The following PTPRQ variants were observed in gnomAD, a reference collection of about 807,000 sequenced individuals.
The protein encoded by PTPRQ is protein tyrosine phosphatase receptor type Q, also known as phosphatidylinositol phosphatase PTPRQ.
Under a neutral mutation model 246.0 loss-of-function variants are expected in PTPRQ, and 199 were observed. That is an observed-to-expected ratio of 0.81 (90% CI 0.72 to 0.91). The LOEUF (loss-of-function observed/expected upper bound fraction) is 0.91. Among genes scored for constraint, PTPRQ ranks in the 40% least tolerant of loss-of-function variants. PTPRQ has a pLI of 0.00. For missense variants in PTPRQ, 2,624 were observed against 2,528.4 expected (o/e 1.04, Z -0.81); for synonymous variants, 869 against 853.2 (o/e 1.02, Z -0.32).
rs189321158 is a variant in PTPRQ, at chr12:80,569,923, T to A, written c.4286-18206T>A. ...CAAAGGACATGAACTCATTCTTTTT[T>A]ATGGCTGCGTAGTATTCCATGGTGT... On this transcript the variant is annotated intron_variant, in intron 25 of 44. Transcript: ENST00000644991. 3.9e-5 allele frequency among the ~76,000 whole-genome samples: 6 copies of A among 152,064 alleles called. No homozygotes were observed. The East Asian group carries it at 5.8e-4, about 15-fold the overall frequency.
chr12:80,471,514 G>A (rs1354685028), intron 7 of PTPRQ, among the ~76,000 whole-genome samples: 1 of 15,880 alleles, frequency 6.3e-5, no homozygotes, highest in Non-Finnish European at 1.2e-4. Flanking sequence ...GTCTCGCTCT[G>A]TCGCCCAGGC....
chr12:80,600,223 G>A (rs1478266025), intron 26 of PTPRQ, among the ~76,000 whole-genome samples: 1 of 151,768 alleles, frequency 6.6e-6, no homozygotes, highest in African/African-American at 2.4e-5. Flanking sequence ...GTGATTATAT[G>A]TGTTGTCATG....
At chr12:80,551,801 A>G (rs1331389454) in intron 25 of PTPRQ, among the ~76,000 whole-genome samples, 3 of 151,782 alleles carry the variant, frequency 2.0e-5, no homozygotes, top group Non-Finnish European at 4.4e-5. Flanking sequence ...TTTATTTAGC[A>G]TGCTATTTCA....
chr12:80,477,222 A>G (rs1018739081), intron 8 of PTPRQ, among the ~76,000 whole-genome samples: 5 of 146,344 alleles, frequency 3.4e-5, no homozygotes, highest in Non-Finnish European at 5.9e-5. Flanking sequence ...AAAATATCAG[A>G]AAAAAATCAA....
In PTPRQ at chr12:80,632,183, C is replaced by T. The variant is rs1899463730; in HGVS notation, c.5687-9C>T. 1 of 1,550,188 alleles carries T rather than the reference C, an allele frequency of 6.5e-7. No homozygotes were observed. The highest frequency in any genetic ancestry group is 1.2e-5 in the South Asian group (1 of 83,512). ...AATATTTAATGATCCTGTTATCCCT[C>T]TTCTCCAGGGGAAGGACTTTCAGAA... On this transcript the variant is annotated splice_polypyrimidine_tract_variant and intron_variant, in intron 33 of 44. Transcript: ENST00000644991.
rs1379310294 is a variant in PTPRQ at position 80,546,698 on chromosome 12, G to A, written c.4015+1G>A. 4.4e-5 allele frequency: 68 copies of A among 1,545,210 alleles called. No homozygotes were observed. The highest frequency in any genetic ancestry group is 5.9e-5 in the Non-Finnish European group (68 of 1,145,330). ...GTAAAATTCACAACCCAAGAATCAG[G>A]TTAGATACAGTTTTTGAGCCTAAAA... On this transcript the variant is annotated splice_donor_variant, in intron 24 of 44. Transcript: ENST00000644991. LOFTEE classifies it high-confidence loss of function.
chr12:80,510,621 T>C (rs1350659065), intron 17 of PTPRQ, among the ~76,000 whole-genome samples, 178 bp downstream of exon 17: 1 of 152,178 alleles, frequency 6.6e-6, no homozygotes, highest in East Asian at 1.9e-4. Flanking sequence ...GGTTCAATCA[T>C]GGTCAAATGA....
At chr12:80,483,845 TG>T (rs1894172427) in intron 8 of PTPRQ, among the ~76,000 whole-genome samples, 1 of 152,150 alleles carries the variant, frequency 6.6e-6, no homozygotes, top group African/African-American at 2.4e-5. Flanking sequence ...TTTGGTTTTT[TG>T]TCCTTGTGAT....
chr12:80,505,883 A>G (rs1162111488), intron 14 of PTPRQ, 141 bp from the exon 15 acceptor site: 4 of 988,578 alleles, frequency 4.0e-6, no homozygotes, highest in Non-Finnish European at 5.6e-6. Context: ...TTTATACTTT[A>G]CTTCATTCAG....
chr12:80,468,981 G>T, intron 7 of PTPRQ, 143 bp downstream of exon 7: 1 of 1,179,006 alleles, frequency 8.5e-7, no homozygotes, highest in South Asian at 1.8e-5. Flanking sequence ...CATAAGGAAG[G>T]GGAGGTCCTT....
At chr12:80,467,098 A>G (rs1893449734) in intron 6 of PTPRQ, among the ~76,000 whole-genome samples, 1 of 152,254 alleles carries the variant, frequency 6.6e-6, no homozygotes, top group South Asian at 2.1e-4. Flanking sequence ...AAATTTTCAC[A>G]ACCTACTCAT....
intron 3 of PTPRQ, among the ~76,000 whole-genome samples, chr12:80,447,036 T>C (rs556113318): frequency 1.4e-4 from 21 of 152,028 alleles, no homozygotes; most frequent in Non-Finnish European, 3.1e-4. Flanking sequence ...AGTGTATTAG[T>C]GTTCCCTTTT....
At chr12:80,587,989 G>A (rs1209973399) in intron 25 of PTPRQ, 140 bp from the exon 26 acceptor site, 1 of 850,840 alleles carries the variant, frequency 1.2e-6, no homozygotes, top group Non-Finnish European at 1.7e-6. Context: ...TTCTCATTAA[G>A]TGTGGGGATA....
intron 27 of PTPRQ, among the ~76,000 whole-genome samples, chr12:80,609,856 ATATC>A (rs1898482104): frequency 1.3e-5 from 2 of 150,662 alleles, no homozygotes; most frequent in African/African-American, 4.8e-5. Context: ...TATATATTTT[ATATC>A]TATCAGTCTT....
chr12:80,510,758 T>C (rs1176049149), intron 17 of PTPRQ, among the ~76,000 whole-genome samples: 1 of 152,176 alleles, frequency 6.6e-6, no homozygotes, highest in Admixed American at 6.5e-5. Context: ...TCTGAAGTTT[T>C]ACACAAGTAC....
chr12:80,612,795 G>T (rs1373964897), intron 28 of PTPRQ, among the ~76,000 whole-genome samples: 1 of 150,352 alleles, frequency 6.7e-6, no homozygotes, highest in Non-Finnish European at 1.5e-5. Context: ...GTTTTTCCAT[G>T]ATTAAACAAA....
intron 3 of PTPRQ, among the ~76,000 whole-genome samples, chr12:80,450,319 T>G (rs7131785): frequency 0.079 from 12,065 of 151,940 alleles, 917 homozygotes; most frequent in African/African-American, 0.2. Flanking sequence ...CATGTCATCT[T>G]CAAACAGGGA....
chr12:80,526,679 T>G (rs1489870036), intron 17 of PTPRQ, among the ~76,000 whole-genome samples: 1 of 152,102 alleles, frequency 6.6e-6, no homozygotes, highest in African/African-American at 2.4e-5. Flanking sequence ...AGTAACAATA[T>G]TATAAATTTG....
At chr12:80,620,645 A>C (rs1375232243) in intron 32 of PTPRQ, among the ~76,000 whole-genome samples, 1 of 151,850 alleles carries the variant, frequency 6.6e-6, no homozygotes, top group Non-Finnish European at 1.5e-5. Flanking sequence ...AAAATGTGCT[A>C]TTGGAGAACA....
Sources: allele counts gnomAD v4.1 joint callset (sites outside exome capture counted in the v4.1 genomes callset), GRCh38; gene constraint gnomAD v4.1.1; transcripts MANE v1.5; gene names NCBI Gene and HGNC (gene_info 2026-07-23, HGNC 2026-07-21).